BTBD9: variants seen among roughly 807,000 people sequenced by gnomAD.
BTBD9 encodes the protein BTB domain containing 9, also known as BTB/POZ domain-containing protein 9.
BTBD9 carries 49 observed loss-of-function variants against 64.3 expected under a neutral mutation model. The ratio of observed to expected loss-of-function variants is 0.76; its 90% CI spans 0.61 to 0.97. BTBD9 has a LOEUF of 0.97. Ranked by LOEUF, BTBD9 falls within the 50% of genes least tolerant of loss-of-function variation. The pLI is 0.00. For synonymous variants in BTBD9, 260 were observed against 274.7 expected (o/e 0.95, Z 0.53); for missense variants, 598 against 762.1 (o/e 0.78, Z 2.53).
At chr6:38,287,192 G>A (rs1761774517) in intron 8 of BTBD9, among the ~76,000 whole-genome samples, 1 of 145,520 alleles carries the variant, frequency 6.9e-6, no homozygotes, top group Non-Finnish European at 1.5e-5. Flanking sequence ...GTACAGTAAT[G>A]TCCTAGGCCT....
At chr6:38,228,648 G>A (rs1763494271) in intron 9 of BTBD9, among the ~76,000 whole-genome samples, 1 of 151,962 alleles carries the variant, frequency 6.6e-6, no homozygotes, top group African/African-American at 2.4e-5. Flanking sequence ...GGCCGAGGTG[G>A]GTAGATCGTG....
chr6:38,387,705 C>A (rs1488731127), intron 6 of BTBD9, among the ~76,000 whole-genome samples: 1 of 152,118 alleles, frequency 6.6e-6, no homozygotes, highest in African/African-American at 2.4e-5. Context: ...CTGCAAGAAA[C>A]CTTCTAAAAG....
chr6:38,236,088 A>G (rs555484255), intron 9 of BTBD9, among the ~76,000 whole-genome samples: 4 of 152,350 alleles, frequency 2.6e-5, no homozygotes, highest in Admixed American at 2.0e-4. Context: ...TCAAGAAAAC[A>G]TAAGTTAGAT....
intron 9 of BTBD9, among the ~76,000 whole-genome samples, chr6:38,194,252 G>C (rs1009325542): frequency 6.6e-6 from 1 of 152,264 alleles, no homozygotes; most frequent in East Asian, 1.9e-4. Context: ...TCCTCCAGCA[G>C]GTGAGGGGAA....
At chr6:38,232,660 C>T (rs1396388538) in intron 9 of BTBD9, among the ~76,000 whole-genome samples, 9 of 150,360 alleles carry the variant, frequency 6.0e-5, no homozygotes, top group East Asian at 2.0e-4. Context: ...ATAAACCTTT[C>T]GCAACTTTTT....
At chr6:38,410,421 C>G (rs979567012) in intron 6 of BTBD9, among the ~76,000 whole-genome samples, 1 of 151,610 alleles carries the variant, frequency 6.6e-6, no homozygotes, top group Non-Finnish European at 1.5e-5. Context: ...TGCAGTGAGC[C>G]GTGACCACAC....
intron 9 of BTBD9, among the ~76,000 whole-genome samples, chr6:38,254,371 T>C (rs1764503520): frequency 1.3e-5 from 2 of 151,982 alleles, no homozygotes; most frequent in Non-Finnish European, 2.9e-5. Context: ...GTGTCAGACA[T>C]TGCATCAAAC....
chr6:38,488,712 GA>G (rs1771566043), intron 6 of BTBD9, among the ~76,000 whole-genome samples: 1 of 152,042 alleles, frequency 6.6e-6, no homozygotes, highest in Non-Finnish European at 1.5e-5. Context: ...ATTTTGTTAA[GA>G]AAAATTAATG....
intron 7 of BTBD9, among the ~76,000 whole-genome samples, chr6:38,297,168 G>A (rs1762185424): frequency 6.6e-6 from 1 of 152,106 alleles, no homozygotes; most frequent in Non-Finnish European, 1.5e-5. Context: ...GAGTTCCAGA[G>A]CAGCCTGGCT....
At chr6:38,362,431 G>A (rs1383141426) in intron 6 of BTBD9, among the ~76,000 whole-genome samples, 1 of 152,160 alleles carries the variant, frequency 6.6e-6, no homozygotes, top group Non-Finnish European at 1.5e-5. Flanking sequence ...CTAAATGAAT[G>A]AATCAATGTG....
chr6:38,590,241 C>CAGAT lies in BTBD9; in HGVS notation c.814+2331_814+2334dup, dbSNP rs532213057. ...TGTGATCAAGGTGGTAATTCTCACA[C>CAGAT]AGATATACACAGAAAAAAAAACACA... is the stretch of plus-strand genomic sequence containing the variant. On this transcript the variant is annotated intron_variant, in intron 4 of 10. Coordinates refer to ENST00000481247, the MANE Select transcript of BTBD9 (RefSeq NM_001099272.2). 7.9e-5 allele frequency among the ~76,000 whole-genome samples: 12 copies of CAGAT among 152,112 alleles called. No homozygotes were observed. In the South Asian group the frequency reaches 2.5e-3, roughly 31 times the overall value.
At chr6:38,363,594 T>G (rs1765062936) in intron 6 of BTBD9, among the ~76,000 whole-genome samples, 1 of 152,138 alleles carries the variant, frequency 6.6e-6, no homozygotes. Context: ...AAAGTTACTC[T>G]AACTCTGAAG....
intron 6 of BTBD9, among the ~76,000 whole-genome samples, chr6:38,528,417 G>A (rs2127426925): frequency 6.6e-6 from 1 of 152,250 alleles, no homozygotes; most frequent in East Asian, 1.9e-4. Flanking sequence ...GACCTGGGGG[G>A]CACGTGACCC....
At chr6:38,179,192 G>A (rs918077307) in intron 10 of BTBD9, among the ~76,000 whole-genome samples, 3 of 152,274 alleles carry the variant, frequency 2.0e-5, no homozygotes, top group African/African-American at 7.2e-5. Flanking sequence ...AACTAAAAAA[G>A]TTATTTAAAA....
intron 1 of BTBD9, among the ~76,000 whole-genome samples, chr6:38,598,397 A>C (rs894071199): frequency 2.0e-5 from 3 of 152,192 alleles, no homozygotes; most frequent in African/African-American, 7.2e-5. Flanking sequence ...AACTGAGCCC[A>C]AACACAGGTC....
intron 7 of BTBD9, among the ~76,000 whole-genome samples, chr6:38,292,711 TCTTC>T (rs1322700114): frequency 6.6e-6 from 1 of 152,196 alleles, no homozygotes; most frequent in Non-Finnish European, 1.5e-5. Context: ...TTCTCTCTTT[TCTTC>T]TTTATTAGTC....
chr6:38,215,517 C>T lies in BTBD9; in HGVS notation c.1563-22920G>A, dbSNP rs116873858. 1.9e-4 allele frequency among the ~76,000 whole-genome samples: 29 copies of T among 152,288 alleles called. No individual in the cohort carries two copies. The East Asian group carries it at 4.2e-3, about 22-fold the overall frequency. On this transcript the variant is annotated intron_variant, in intron 9 of 10. Coordinates refer to ENST00000481247, the MANE Select transcript of BTBD9 (RefSeq NM_001099272.2). ...TGAAGGCCCTGTTAGCGCTGGATGA[C>T]GTCGCACATACCCATTGGCTTTCTG... is the stretch of plus-strand genomic sequence containing the variant.
chr6:38,474,415 C>G (rs555549369), intron 6 of BTBD9, among the ~76,000 whole-genome samples: 186 of 152,238 alleles, frequency 1.2e-3, no homozygotes, highest in African/African-American at 4.3e-3. Flanking sequence ...CCCAGCTACT[C>G]AGGCGGCTGA....
intron 6 of BTBD9, among the ~76,000 whole-genome samples, chr6:38,426,099 A>C (rs1768135834): frequency 6.6e-6 from 1 of 151,932 alleles, no homozygotes; most frequent in African/African-American, 2.4e-5. Context: ...GAGCTGCTTC[A>C]AGCCTGTTCC....
Sources: allele counts gnomAD v4.1 joint callset (sites outside exome capture counted in the v4.1 genomes callset), GRCh38; gene constraint gnomAD v4.1.1; transcripts MANE v1.5; gene names NCBI Gene and HGNC (gene_info 2026-07-23, HGNC 2026-07-21).